DDX31: variants seen among roughly 807,000 people sequenced by gnomAD.
DDX31 encodes ATP-dependent DNA helicase DDX31.
A neutral mutation model predicts 91.3 loss-of-function variants in DDX31; 70 were observed. The observed-to-expected ratio is 0.77, with a 90% CI of 0.63 to 0.94. DDX31 has a LOEUF of 0.94. Ranked by LOEUF, DDX31 falls within the 40% of genes least tolerant of loss-of-function variation. The pLI is 0.00. For synonymous variants in DDX31, 362 were observed against 350.6 expected (o/e 1.03, Z -0.36); for missense variants, 902 against 925.0 (o/e 0.98, Z 0.32).
rs80215899 is a variant in DDX31, at chr9:132,646,990, C to T, written c.1036G>A (p.Asp346Asn). The change falls in exon 12 of 20, where the codon GAC becomes AAC. Residue 346 changes from aspartate to asparagine, a missense_variant. Transcript: ENST00000372159. ...VSISVLDKSH[D>N]QLNPKDKAVQ... ...GCTTTGTCCTTTGGGTTCAACTGGT[C>T]ATGGCTCTTGTCCAGGACAGAAATA... The T allele has an allele frequency of 6.2e-7, 1 of 1,614,206 alleles. No individual in the cohort carries two copies. Among genetic ancestry groups the T allele is most frequent in the East Asian group, 2.2e-5 (1 of 44,886 alleles).
intron 14 of DDX31, among the ~76,000 whole-genome samples, chr9:132,635,076 A>G (rs907388330): frequency 6.6e-6 from 1 of 152,056 alleles, no homozygotes; most frequent in Admixed American, 6.5e-5. Context: ...CTGCTTCCTC[A>G]TGGTAAGGTT....
chr9:132,649,129 C>T lies in DDX31; in HGVS notation c.741-578G>A, dbSNP rs557806401. On this transcript the variant is annotated intron_variant, in intron 9 of 19. Coordinates refer to ENST00000372159, the MANE Select transcript of DDX31 (RefSeq NM_022779.9). ...CACATTTTTTTTTTCTTTGTAGAGA[C>T]GGGGGTCTCACTATGTTGCCTAGGC... is the stretch of plus-strand genomic sequence containing the variant. 5.3e-5 allele frequency among the ~76,000 whole-genome samples: 8 copies of T among 151,816 alleles called. No individual in the cohort carries two copies. In the East Asian group the frequency reaches 5.8e-4, roughly 11 times the overall value.
intron 6 of DDX31, among the ~76,000 whole-genome samples, chr9:132,654,869 C>T (rs964742500): frequency 2.3e-4 from 35 of 150,518 alleles, no homozygotes; most frequent in Admixed American, 7.3e-4. Context: ...CTGCTTGAAT[C>T]CGGGAGGTGG....
chr9:132,663,121 T>TTTCTCTCCACCAACAAAGCACAC (rs1257983054), intron 1 of DDX31: 9 of 1,249,930 alleles, frequency 7.2e-6, no homozygotes, highest in Non-Finnish European at 5.2e-6. Flanking sequence ...AAACGAATCT[T>TTTCTCTCCACCAACAAAGCACAC]TTCTCTCCAC....
chr9:132,659,516 C>A (rs1834799188), intron 5 of DDX31, among the ~76,000 whole-genome samples, 194 bp downstream of exon 5: 1 of 152,196 alleles, frequency 6.6e-6, no homozygotes, highest in Non-Finnish European at 1.5e-5. Context: ...AATCATTTCT[C>A]ATCGTGGTAC....
intron 1 of DDX31, among the ~76,000 whole-genome samples, chr9:132,667,267 GTCTCATCAGCATA>G (rs1835374630): frequency 6.6e-6 from 1 of 152,122 alleles, no homozygotes; most frequent in South Asian, 2.1e-4. Context: ...CTACTGGCAA[GTCTCATCAGCATA>G]TCCATCATTC....
chr9:132,665,079 C>T (rs894784538), intron 1 of DDX31, among the ~76,000 whole-genome samples: 5 of 152,164 alleles, frequency 3.3e-5, no homozygotes, highest in Admixed American at 1.3e-4. Context: ...GCACGGAACT[C>T]GTTGTTTTAT....
In DDX31 at chr9:132,646,052, A is replaced by G. The variant is rs1261599885; in HGVS notation, c.1223T>C (p.Met408Thr). The change falls in exon 13 of 20, where the codon ATG becomes ACG. Residue 408 changes from methionine (M) to threonine (T), a missense_variant. Transcript: ENST00000372159. ...CTCGCAACTTGAGAAAAAGACAACCATCTTCTGGTCTTCCTCAAACTACAT... is the reference window on the plus strand; with the variant it reads ...CTCGCAACTTGAGAAAAAGACAACCGTCTTCTGGTCTTCCTCAAACTACAT... Reference protein sequence around the residue: ...QKCKFEEDQKMVVFFSSCELV... With the variant: ...QKCKFEEDQKTVVFFSSCELV... 1 of 1,614,084 alleles carries G rather than the reference A, an allele frequency of 6.2e-7. No homozygotes were observed. Among genetic ancestry groups the G allele is most frequent in the Admixed American group, 1.7e-5 (1 of 60,010 alleles).
At position 132,618,260 on chromosome 9, in the gene DDX31, T is replaced by C. The variant is rs888609596; in HGVS notation, c.1825+70A>G. 12 of 1,345,806 alleles carry C rather than the reference T, an allele frequency of 8.9e-6. No homozygotes were observed. The Admixed American group carries it at 2.5e-4, about 28-fold the overall frequency. 83.4% of individuals were successfully genotyped at this position (1,345,806 alleles called of 1,614,324 possible). ...TGGCCTCTCAACCGGTTTGGGGGTATGTGGGTGAAGGTGGGGGAGAGCACT... is the reference window on the plus strand; with the variant it reads ...TGGCCTCTCAACCGGTTTGGGGGTACGTGGGTGAAGGTGGGGGAGAGCACT... On this transcript the variant is annotated intron_variant, in intron 18 of 19. Coordinates refer to ENST00000372159, the MANE Select transcript of DDX31 (RefSeq NM_022779.9).
At chr9:132,625,625 C>T (rs764913539) in intron 17 of DDX31, 39 bp downstream of exon 17, 6 of 1,521,434 alleles carry the variant, frequency 3.9e-6, no homozygotes, top group Non-Finnish European at 5.5e-6. Context: ...AAGTGAGTCA[C>T]ATCTGTTGGC....
rs117442916 is a variant in DDX31, at chr9:132,627,948, C to T, written c.1632-2203G>A. On this transcript the variant is annotated intron_variant, in intron 16 of 19. Transcript: ENST00000372159. ...TCCTCAAAAAATATTTAGGAGTCGA[C>T]CTTTTGGATTCTAGAAACTTTCCAG... Among the ~76,000 whole-genome samples, 116 of 152,286 alleles carry T rather than the reference C, an allele frequency of 7.6e-4. 1 individual carries two copies. In the East Asian group the frequency reaches 0.019, roughly 26 times the overall value.
At chr9:132,619,864 C>T (rs1469857910) in intron 17 of DDX31, among the ~76,000 whole-genome samples, 1 of 150,642 alleles carries the variant, frequency 6.6e-6, no homozygotes, top group Non-Finnish European at 1.5e-5. Context: ...AGCAGCGCAA[C>T]TGTCACCTTC....
At chr9:132,633,539 A>G (rs1832921761) in intron 14 of DDX31, among the ~76,000 whole-genome samples, 1 of 152,208 alleles carries the variant, frequency 6.6e-6, no homozygotes, top group East Asian at 1.9e-4. Context: ...TAAAAAGAAC[A>G]AAGATTTCTA....
intron 17 of DDX31, among the ~76,000 whole-genome samples, chr9:132,624,774 G>A (rs1306729771): frequency 6.6e-6 from 1 of 152,094 alleles, no homozygotes; most frequent in African/African-American, 2.4e-5. Context: ...TCCTCTCCTG[G>A]TATTACATAC....
intron 14 of DDX31, among the ~76,000 whole-genome samples, chr9:132,632,320 G>C (rs541011776): frequency 9.7e-6 from 1 of 103,098 alleles, no homozygotes; most frequent in African/African-American, 2.9e-5. Context: ...AACTTCAGGG[G>C]GCTCAGGGAC....
intron 16 of DDX31, among the ~76,000 whole-genome samples, chr9:132,627,485 G>A (rs752266264): frequency 2.0e-5 from 3 of 152,244 alleles, no homozygotes; most frequent in African/African-American, 2.4e-5. Context: ...ACCTTAGTAT[G>A]AAACGAGATG....
chr9:132,661,146 A>G, intron 4 of DDX31, 62 bp downstream of exon 4: 1 of 1,457,030 alleles, frequency 6.9e-7, no homozygotes, highest in Non-Finnish European at 9.6e-7. Flanking sequence ...TTGCACACAC[A>G]GGTTTCGTCC....
intron 5 of DDX31, among the ~76,000 whole-genome samples, chr9:132,659,487 C>T (rs1247971134): frequency 2.0e-5 from 3 of 152,162 alleles, no homozygotes. Context: ...GAAATTATAG[C>T]CGAACCTGAC....
chr9:132,658,443 T>C, intron 6 of DDX31: 1 of 693,138 alleles, frequency 1.4e-6, no homozygotes, highest in Non-Finnish European at 2.6e-6. Flanking sequence ...GGGGAGCATC[T>C]TACAAAGCTT....
Sources: allele counts gnomAD v4.1 joint callset (sites outside exome capture counted in the v4.1 genomes callset), GRCh38; gene constraint gnomAD v4.1.1; transcripts MANE v1.5; gene names NCBI Gene and HGNC (gene_info 2026-07-23, HGNC 2026-07-21).